Variants in SLC38A6 observed in about 807,000 individuals in gnomAD.
SLC38A6 encodes the protein solute carrier family 38 member 6, also known as N system amino acid transporter NAT-1.
A neutral mutation model predicts 65.0 loss-of-function variants in SLC38A6; 73 were observed. That is an observed-to-expected ratio of 1.12 (90% CI 0.93 to 1.37). The LOEUF is 1.37. Among genes scored for constraint, SLC38A6 ranks in the 40% most tolerant of loss-of-function variants. SLC38A6 has a pLI of 0.00. For synonymous variants in SLC38A6, 183 were observed against 178.8 expected (o/e 1.02, Z -0.19); for missense variants, 561 against 531.1 (o/e 1.06, Z -0.55).
At chr14:61,044,102 T>G (rs1184924184) in intron 10 of SLC38A6, among the ~76,000 whole-genome samples, 1 of 152,190 alleles carries the variant, frequency 6.6e-6, no homozygotes, top group Admixed American at 6.5e-5. Flanking sequence ...AACTGTGACA[T>G]GGATGGTCTC....
rs144847040 is a variant in SLC38A6 at position 61,065,099 on chromosome 14, G to A, written c.1290+12964G>A. Among the ~76,000 whole-genome samples the A allele has an allele frequency of 6.1e-3, 932 of 152,172 alleles. 2 individuals carry two copies. The highest frequency in any genetic ancestry group is 9.5e-3 in the Non-Finnish European group (647 of 67,986). ...AAGGCCCTTTAAACACCCAAGGTCT[G>A]GAAATCTTTGGGGTGTGTGTGTGTG... is the stretch of plus-strand genomic sequence containing the variant. On this transcript the variant is annotated intron_variant, in intron 15 of 16. Transcript: ENST00000354886.
chr14:61,019,486 G>C, intron 4 of SLC38A6, 55 bp from the exon 5 acceptor site: 2 of 1,555,666 alleles, frequency 1.3e-6, no homozygotes, highest in Non-Finnish European at 1.8e-6. Context: ...ATAAAATACT[G>C]ATCCTTTTAT....
intron 5 of SLC38A6, among the ~76,000 whole-genome samples, chr14:61,026,026 T>A (rs2139625520): frequency 6.6e-6 from 1 of 152,302 alleles, no homozygotes; most frequent in Middle Eastern, 3.4e-3. Flanking sequence ...CTAATTCTGT[T>A]TTAAAAATAG....
chr14:61,048,255 A>G (rs780308648), intron 12 of SLC38A6: 3 of 413,214 alleles, frequency 7.3e-6, no homozygotes, highest in South Asian at 1.8e-5. Context: ...CAGATGAACA[A>G]CTAAAGCCCA....
At chr14:60,997,947 AATTC>A (rs1208816118) in intron 3 of SLC38A6, among the ~76,000 whole-genome samples, 2 of 152,112 alleles carry the variant, frequency 1.3e-5, no homozygotes, top group African/African-American at 4.8e-5. Context: ...ACAGGCTAGA[AATTC>A]ATTCATTCAA....
At chr14:61,078,174 T>C (rs1046233219) in intron 15 of SLC38A6, among the ~76,000 whole-genome samples, 2 of 152,158 alleles carry the variant, frequency 1.3e-5, no homozygotes, top group Non-Finnish European at 2.9e-5. Flanking sequence ...GAATGACATA[T>C]CTTGGTGAGT....
chr14:60,994,762 G>C (rs1304371551), intron 3 of SLC38A6, among the ~76,000 whole-genome samples: 1 of 150,712 alleles, frequency 6.6e-6, no homozygotes, highest in African/African-American at 2.4e-5. Flanking sequence ...CCAGCACTTT[G>C]GGAGGCCGAG....
chr14:61,033,038 A>G (rs2139683618), intron 6 of SLC38A6, among the ~76,000 whole-genome samples: 1 of 152,094 alleles, frequency 6.6e-6, no homozygotes, highest in South Asian at 2.1e-4. Flanking sequence ...TTCATGATAT[A>G]TCTATATATT....
chr14:61,000,794 GT>G (rs1482375283), intron 3 of SLC38A6, among the ~76,000 whole-genome samples: 1 of 152,160 alleles, frequency 6.6e-6, no homozygotes, highest in Non-Finnish European at 1.5e-5. Flanking sequence ...GACATGAGTT[GT>G]TTTAGGGATG....
chr14:61,008,147 G>T (rs1240237480), intron 3 of SLC38A6, among the ~76,000 whole-genome samples: 1 of 152,014 alleles, frequency 6.6e-6, no homozygotes, highest in Non-Finnish European at 1.5e-5. Context: ...AAGCTAAATT[G>T]CCCTTGTGCA....
intron 3 of SLC38A6, among the ~76,000 whole-genome samples, chr14:60,996,905 T>A (rs1208878472): frequency 6.6e-6 from 1 of 152,232 alleles, no homozygotes; most frequent in African/African-American, 2.4e-5. Flanking sequence ...AACTGTTGCT[T>A]AAGTGTGAAG....
intron 8 of SLC38A6, among the ~76,000 whole-genome samples, chr14:61,039,015 A>G (rs2041600382): frequency 6.6e-6 from 1 of 152,244 alleles, no homozygotes; most frequent in Admixed American, 6.5e-5. Context: ...AAAGAGAATC[A>G]GTATAGATAA....
At chr14:61,033,497 C>T (rs775089935) in intron 6 of SLC38A6, among the ~76,000 whole-genome samples, 27 of 151,980 alleles carry the variant, frequency 1.8e-4, no homozygotes, top group Non-Finnish European at 1.8e-4. Flanking sequence ...TCTGTTAGAT[C>T]GTTCTTTATT....
chr14:61,048,659 C>G (rs898061681), intron 12 of SLC38A6, among the ~76,000 whole-genome samples: 1 of 152,088 alleles, frequency 6.6e-6, no homozygotes, highest in Non-Finnish European at 1.5e-5. Flanking sequence ...ATCCTTTTAT[C>G]CAGAGCTCCT....
chr14:61,052,556 ATGGCAGTGGGTATGGGGAAGTAAGAGTG>A lies in SLC38A6; in HGVS notation c.*135_*162del. The stretch of plus-strand genomic sequence containing the variant: ...ATTATTAACAGAAAAGCAGAACAAA[ATGGCAGTGGGTATGGGGAAGTAAGAGTG>A]TGGCAGTTTTAATCAAAAAAAGAAA... On this transcript the variant is annotated 3_prime_UTR_variant, in exon 16 of 16. Transcript: ENST00000267488. The A allele has an allele frequency of 7.4e-7, 1 of 1,346,150 alleles. No individual in the cohort carries two copies. The highest frequency in any genetic ancestry group is 9.6e-7 in the Non-Finnish European group (1 of 1,040,014). 83.4% of individuals were successfully genotyped at this position (1,346,150 alleles called of 1,614,324 possible).
intron 3 of SLC38A6, among the ~76,000 whole-genome samples, chr14:61,000,778 A>T (rs953256080): frequency 1.3e-5 from 2 of 152,206 alleles, no homozygotes; most frequent in Non-Finnish European, 2.9e-5. Flanking sequence ...TGGGTATCTT[A>T]TGAAGGACAT....
At chr14:61,042,677 C>T (rs1233567982) in intron 8 of SLC38A6, among the ~76,000 whole-genome samples, 1 of 152,156 alleles carries the variant, frequency 6.6e-6, no homozygotes, top group African/African-American at 2.4e-5. Context: ...AGGGGCAGCA[C>T]TTAATGTGTA....
rs1311286250 is a variant in SLC38A6 at position 61,019,551 on chromosome 14, C to T, written c.374C>T (p.Ala125Val). Residue 125 changes from alanine to valine, a missense_variant, in exon 5 of 16, where the codon GCA (alanine) becomes GTA (valine). Transcript: ENST00000267488. ...TCTGTTCTTTTACAGTTGGTGGTGG[C>T]AGGCACCATAATAATTCAGAATATT... ...AFGLPGKLVV[A>V]GTIIIQNIGA... 6.2e-6 allele frequency: 10 copies of T among 1,613,154 alleles called. No homozygotes were observed. The highest frequency in any genetic ancestry group is 8.5e-6 in the Non-Finnish European group (10 of 1,179,368).
In SLC38A6 at chr14:61,051,841, C is replaced by T. The variant is rs201457210; in HGVS notation, c.1105C>T (p.Arg369Cys). 4.3e-5 allele frequency: 69 copies of T among 1,612,324 alleles called. No homozygotes were observed. The East Asian group carries it at 1.2e-3, about 29-fold the overall frequency. Residue 369 changes from arginine (R) to cysteine (C), a missense_variant, in exon 14 of 16, where the codon CGC becomes TGC. Coordinates refer to ENST00000267488, the MANE Select transcript of SLC38A6 (RefSeq NM_153811.3). Reference sequence around the variant, plus strand: ...CTCCAATTTTCCATTCTCATGGATTCGCCATTTTTTGATCACTCTAGCACT... The same window carrying T: ...CTCCAATTTTCCATTCTCATGGATTTGCCATTTTTTGATCACTCTAGCACT... ...FFSNFPFSWI[R>C]HFLITLALNI...
Sources: allele counts gnomAD v4.1 joint callset (sites outside exome capture counted in the v4.1 genomes callset), GRCh38; gene constraint gnomAD v4.1.1; transcripts MANE v1.5; gene names NCBI Gene and HGNC (gene_info 2026-07-23, HGNC 2026-07-21).